DOCK3: variants seen among roughly 807,000 people sequenced by gnomAD.
DOCK3 encodes dedicator of cytokinesis 3.
DOCK3 carries 60 observed loss-of-function variants against 265.6 expected under a neutral mutation model. The ratio of observed to expected loss-of-function variants is 0.23; its 90% CI spans 0.18 to 0.28. The LOEUF is 0.28. DOCK3 is among the 10% of genes least tolerant of loss of function. The probability of loss-of-function intolerance (pLI) is 1.00; values close to 1 mark genes in which losing one functional copy is unlikely to be tolerated. For synonymous variants in DOCK3, 881 were observed against 938.0 expected (o/e 0.94, Z 1.11); for missense variants, 1,981 against 2,594.3 (o/e 0.76, Z 5.14).
intron 5 of DOCK3, among the ~76,000 whole-genome samples, chr3:51,043,906 T>C (rs1015120617): frequency 6.6e-6 from 1 of 151,956 alleles, no homozygotes; most frequent in African/African-American, 2.4e-5. Flanking sequence ...GAATGGCTAA[T>C]ATTAAAAAGT....
chr3:51,178,771 A>G (rs371829233), intron 12 of DOCK3, among the ~76,000 whole-genome samples: 1 of 152,260 alleles, frequency 6.6e-6, no homozygotes, highest in Non-Finnish European at 1.5e-5. Flanking sequence ...AATAAAAAGC[A>G]AAGACAAAAG....
chr3:51,369,255 G>A (rs776202090), intron 49 of DOCK3, among the ~76,000 whole-genome samples: 18 of 152,324 alleles, frequency 1.2e-4, no homozygotes, highest in Non-Finnish European at 2.6e-4. Context: ...CGAGCTAAAG[G>A]AGGATGTTTG....
At chr3:50,971,434 C>T (rs1011381072) in intron 5 of DOCK3, among the ~76,000 whole-genome samples, 1 of 151,966 alleles carries the variant, frequency 6.6e-6, no homozygotes, top group African/African-American at 2.4e-5. Context: ...ATATGAACTC[C>T]TTGTAATAGA....
chr3:50,922,632 C>CTG (rs1197564836), intron 4 of DOCK3, among the ~76,000 whole-genome samples: 1 of 152,230 alleles, frequency 6.6e-6, no homozygotes, highest in East Asian at 1.9e-4. Context: ...ACGCTGGGAG[C>CTG]TGTAGACTGG....
intron 48 of DOCK3, 119 bp downstream of exon 48, chr3:51,362,116 A>G (rs2086782656): frequency 7.7e-7 from 1 of 1,296,860 alleles, no homozygotes; most frequent in Non-Finnish European, 1.0e-6. Flanking sequence ...TCCTGAATTC[A>G]GAACACCCCT....
At chr3:51,275,735 G>A (rs1214042315) in intron 25 of DOCK3, among the ~76,000 whole-genome samples, 2 of 152,024 alleles carry the variant, frequency 1.3e-5, no homozygotes, top group African/African-American at 4.8e-5. Context: ...TTTAGGGGTC[G>A]GGTTTCAACT....
intron 22 of DOCK3, among the ~76,000 whole-genome samples, chr3:51,256,721 G>A (rs191272808): frequency 1.3e-5 from 2 of 150,852 alleles, no homozygotes; most frequent in East Asian, 4.0e-4. Flanking sequence ...AGCCTCCCAA[G>A]TAGCTGGGAT....
chr3:50,996,577 T>C (rs560967063), intron 5 of DOCK3, among the ~76,000 whole-genome samples: 1 of 152,266 alleles, frequency 6.6e-6, no homozygotes, highest in East Asian at 1.9e-4. Context: ...ATAAACCCCA[T>C]TATTTCTATC....
intron 5 of DOCK3, among the ~76,000 whole-genome samples, chr3:50,994,346 C>A (rs987230277): frequency 6.6e-6 from 1 of 152,138 alleles, no homozygotes; most frequent in East Asian, 1.9e-4. Context: ...TCACAGTCAT[C>A]CTGTGAGATA....
chr3:50,732,164 A>T (rs2038258526), intron 1 of DOCK3, among the ~76,000 whole-genome samples: 2 of 152,088 alleles, frequency 1.3e-5, no homozygotes, highest in South Asian at 4.1e-4. Context: ...CACCACATAT[A>T]TATTCACCAC....
At chr3:51,106,670 T>G (rs1465613747) in intron 9 of DOCK3, among the ~76,000 whole-genome samples, 1 of 152,224 alleles carries the variant, frequency 6.6e-6, no homozygotes, top group African/African-American at 2.4e-5. Context: ...CAGCCACTGC[T>G]GCCGGCATCA....
intron 1 of DOCK3, among the ~76,000 whole-genome samples, chr3:50,762,025 A>G (rs904025760): frequency 1.3e-5 from 2 of 152,152 alleles, no homozygotes; most frequent in East Asian, 1.9e-4. Context: ...CAAACACCGC[A>G]TGTTCTCACT....
intron 2 of DOCK3, among the ~76,000 whole-genome samples, chr3:50,832,477 A>G (rs1347870378): frequency 6.6e-6 from 1 of 152,224 alleles, no homozygotes; most frequent in East Asian, 1.9e-4. Context: ...ACAAAGGTCT[A>G]ATATCCAGAA....
At chr3:50,820,843 T>A (rs2044369207) in intron 2 of DOCK3, among the ~76,000 whole-genome samples, 1 of 150,960 alleles carries the variant, frequency 6.6e-6, no homozygotes, top group African/African-American at 2.4e-5. Context: ...TTTTTTTTTT[T>A]AAGCTTTTAA....
intron 5 of DOCK3, among the ~76,000 whole-genome samples, chr3:50,962,539 C>CT (rs2076916867): frequency 6.6e-6 from 1 of 152,158 alleles, no homozygotes; most frequent in Non-Finnish European, 1.5e-5. Flanking sequence ...CTAGTTAACT[C>CT]TAAGAGCAAC....
intron 1 of DOCK3, among the ~76,000 whole-genome samples, chr3:50,704,402 C>T (rs2036253106): frequency 6.6e-6 from 1 of 151,932 alleles, no homozygotes; most frequent in African/African-American, 2.4e-5. Flanking sequence ...GTATTGGTAT[C>T]TCTCTTTTTA....
intron 12 of DOCK3, among the ~76,000 whole-genome samples, chr3:51,205,559 C>G (rs1005375004): frequency 6.6e-6 from 1 of 151,214 alleles, no homozygotes; most frequent in Admixed American, 6.6e-5. Context: ...AAAATTAGCT[C>G]GGCATGGTGG....
intron 19 of DOCK3, 42 bp from the exon 20 acceptor site, chr3:51,236,303 A>T (rs2078347201): frequency 3.4e-6 from 5 of 1,451,430 alleles, no homozygotes; most frequent in Non-Finnish European, 4.8e-6. Flanking sequence ...TGTGCGTGTA[A>T]GGTCCTGAGA....
intron 6 of DOCK3, among the ~76,000 whole-genome samples, chr3:51,073,887 G>T (rs1204124200): frequency 6.6e-6 from 1 of 151,940 alleles, no homozygotes; most frequent in Non-Finnish European, 1.5e-5. Context: ...CTCCATATAG[G>T]TTTGATTTTC....
Sources: gnomAD v4.1 joint callset for allele counts (sites outside exome capture counted in the v4.1 genomes callset) on GRCh38, gnomAD v4.1.1 for gene constraint, MANE v1.5 for transcripts, NCBI Gene and HGNC (gene_info 2026-07-23, HGNC 2026-07-21) for gene names.